Variants in EBF3 observed in about 807,000 individuals in gnomAD.
EBF3 encodes EBF transcription factor 3.
A neutral mutation model predicts 77.1 loss-of-function variants in EBF3; 18 were observed. The ratio of observed to expected loss-of-function variants is 0.23; its 90% CI spans 0.16 to 0.35. The LOEUF is 0.35. Among genes scored for constraint, EBF3 ranks in the 10% least tolerant of loss-of-function variants. The probability of loss-of-function intolerance (pLI) is 1.00; values close to 1 mark genes in which losing one functional copy is unlikely to be tolerated. For missense variants in EBF3, 558 were observed against 860.0 expected (o/e 0.65, Z 4.39); for synonymous variants, 350 against 343.5 (o/e 1.02, Z -0.21).
chr10:129,839,233 T>G (rs1849830038), intron 15 of EBF3, 38 bp from the exon 16 acceptor site: 1 of 966,100 alleles, frequency 1.0e-6, no homozygotes, highest in Admixed American at 2.3e-5. Flanking sequence ...ACTGGTTGAA[T>G]GGGTTCATGT....
rs563818881 is a variant in EBF3 at position 129,947,901 on chromosome 10, C to T, written c.554+9357G>A. ...AAATTATATTCAAAGAGAGTATTAT[C>T]GGTGAGCTAAAAAGTCACAAGAAGA... is the stretch of plus-strand genomic sequence containing the variant. On this transcript the variant is annotated intron_variant, in intron 6 of 16. Transcript: ENST00000440978. The surrounding 1 kb of genome is among the most constrained non-coding windows in gnomAD (Gnocchi z 4.5). 2.6e-5 allele frequency among the ~76,000 whole-genome samples: 4 copies of T among 152,156 alleles called. 1 individual carries two copies. Among genetic ancestry groups the T allele is most frequent in the South Asian group, 4.2e-4 (2 of 4,800 alleles).
In EBF3 at chr10:129,839,171, A is replaced by G; in HGVS notation, c.1784T>C (p.Val595Ala). 3 of 1,302,244 alleles carry G rather than the reference A, an allele frequency of 2.3e-6. No individual in the cohort carries two copies. The highest frequency in any genetic ancestry group is 3.0e-6 in the Non-Finnish European group (3 of 987,030). The allele number at this position is 1,302,244 out of a possible 1,614,324, so 80.7% of individuals were successfully genotyped here. ...GGGCCAGTTTGTCTTCTCCGCGGCT[A>G]CGTCCTCAGCACCCAGCAGAGAGCC... is the stretch of plus-strand genomic sequence containing the variant. ...LQGSLLGAEDVAAEKTNWPFC... is the reference protein window; with the variant it reads ...LQGSLLGAEDAAAEKTNWPFC... The change falls in exon 16 of 17, where the codon GTA becomes GCA. Residue 595 changes from valine to alanine, a missense_variant. Physicochemically the swap from Val to Ala is moderately conservative, Grantham distance 64. Transcript: ENST00000440978.
rs1268916531 is a variant in EBF3 at position 129,947,587 on chromosome 10, A to G, written c.554+9671T>C. ...CAAAATAGTATTATTGAGGAAATAAACCCCTTATAATAAGTGAAATTGAGC... is the reference window on the plus strand; with the variant it reads ...CAAAATAGTATTATTGAGGAAATAAGCCCCTTATAATAAGTGAAATTGAGC... On this transcript the variant is annotated intron_variant, in intron 6 of 16. Coordinates refer to ENST00000440978, the MANE Select transcript of EBF3 (RefSeq NM_001375380.1). This position sits in a 1 kb window ranked among gnomAD's most constrained non-coding sequence, Gnocchi z 4.5. 6.6e-6 allele frequency among the ~76,000 whole-genome samples: 1 copy of G among 152,114 alleles called. No homozygotes were observed. Among genetic ancestry groups the G allele is most frequent in the Non-Finnish European group, 1.5e-5 (1 of 68,020 alleles).
intron 6 of EBF3, among the ~76,000 whole-genome samples, chr10:129,884,832 C>A (rs1853460261): frequency 6.6e-6 from 1 of 152,184 alleles, no homozygotes. Context: ...TGGCCTTTGT[C>A]TGGGGATTCT....
At chr10:129,915,044 C>A (rs994717825) in intron 6 of EBF3, among the ~76,000 whole-genome samples, 5 of 152,196 alleles carry the variant, frequency 3.3e-5, no homozygotes, top group Admixed American at 3.3e-4. Context: ...TTGGGCCCTT[C>A]AAGAGTTTGC....
intron 6 of EBF3, among the ~76,000 whole-genome samples, chr10:129,902,783 G>A (rs144254992): frequency 6.6e-6 from 1 of 152,158 alleles, no homozygotes; most frequent in Non-Finnish European, 1.5e-5. Flanking sequence ...AACAAAACAA[G>A]ACACACAGGA....
rs1476336198 is a variant in EBF3, at chr10:129,963,673, G to A, written c.96C>T (p.His32=). The A allele has an allele frequency of 4.0e-6, 6 of 1,513,402 alleles. No individual in the cohort carries two copies. The African/African-American group carries it at 5.8e-5, about 15-fold the overall frequency. 93.7% of individuals were successfully genotyped at this position (1,513,402 alleles called of 1,614,324 possible). A position where few individuals can be genotyped will look rare whatever the true frequency, so the allele number is the denominator to read the frequency against. The change falls in exon 1 of 17, where the codon CAC becomes CAT. Residue 32 remains histidine, a synonymous_variant. Coordinates refer to ENST00000440978, the MANE Select transcript of EBF3 (RefSeq NM_001375380.1). The surrounding 1 kb of genome is among the most constrained non-coding windows in gnomAD (Gnocchi z 7.1). ...SGMNPVRSWM[H]TAGVVDANTA... is the part of the protein sequence containing the mutation. ...TGTTGGCGTCCACCACGCCCGCCGT[G>A]TGCATCCACGAGCGCACCGGGTTCA...
chr10:129,892,100 G>A (rs79214325), intron 6 of EBF3, among the ~76,000 whole-genome samples: 27,499 of 152,194 alleles, frequency 0.18, 2,770 homozygotes, highest in Non-Finnish European at 0.23. Flanking sequence ...TCTCAGCAGC[G>A]GCAAGAAATG....
chr10:129,900,403 G>C (rs1328443340), intron 6 of EBF3, among the ~76,000 whole-genome samples: 3 of 152,162 alleles, frequency 2.0e-5, no homozygotes, highest in African/African-American at 7.2e-5. Flanking sequence ...GGGGTAGGAG[G>C]GGGCTGGAGA....
At chr10:129,902,986 C>T (rs1854894851) in intron 6 of EBF3, among the ~76,000 whole-genome samples, 1 of 152,258 alleles carries the variant, frequency 6.6e-6, no homozygotes, top group South Asian at 2.1e-4. Context: ...AGTGATTCTC[C>T]ATGAACTCAC....
chr10:129,842,372 GT>G lies in EBF3; in HGVS notation c.1195-80del. On this transcript the variant is annotated intron_variant, in intron 12 of 16. Transcript: ENST00000440978. The surrounding 1 kb of genome is among the most constrained non-coding windows in gnomAD (Gnocchi z 4.4). ...GCCGCACTCTCGGGGGCCCACCATG[GT>G]GGCATCCCACTGTCCCTTGCCCAGA... 5 of 1,486,972 alleles carry G rather than the reference GT, an allele frequency of 3.4e-6. No individual in the cohort carries two copies. Among genetic ancestry groups the G allele is most frequent in the Non-Finnish European group, 4.5e-6 (5 of 1,114,006 alleles). 92.1% of individuals were successfully genotyped at this position (1,486,972 alleles called of 1,614,324 possible).
intron 10 of EBF3, among the ~76,000 whole-genome samples, chr10:129,852,958 C>T (rs555562245): frequency 6.6e-6 from 1 of 152,282 alleles, no homozygotes; most frequent in African/African-American, 2.4e-5. Flanking sequence ...CAGTCCAGGG[C>T]GTTGAGGTCC....
At chr10:129,889,905 C>T (rs1853889406) in intron 6 of EBF3, among the ~76,000 whole-genome samples, 1 of 149,650 alleles carries the variant, frequency 6.7e-6, no homozygotes, top group African/African-American at 2.5e-5. Context: ...TTCCACATTC[C>T]CTGAAATCAA....
In EBF3 at chr10:129,861,038, G is replaced by T. The variant is rs1851596798; in HGVS notation, c.1039+6103C>A. Among the ~76,000 whole-genome samples, 1 of 152,222 alleles carries T rather than the reference G, an allele frequency of 6.6e-6. No homozygotes were observed. The highest frequency in any genetic ancestry group is 2.4e-5 in the African/African-American group (1 of 41,466). ...CCTCCTTGGAGACAGGAAAGAGAGG[G>T]GACAGCAGTGACCCTGGAAGCCCTC... On this transcript the variant is annotated intron_variant, in intron 10 of 16. Transcript: ENST00000440978. The surrounding 1 kb of genome is among the most constrained non-coding windows in gnomAD (Gnocchi z 4.3).
chr10:129,924,430 C>CAAAAAAAAAAAAAACAAAAAAAAAAAA (rs1856514493), intron 6 of EBF3, among the ~76,000 whole-genome samples: 1 of 108,454 alleles, frequency 9.2e-6, no homozygotes. Context: ...ACAACAACAA[C>CAAAAAAAAAAAAAACAAAAAAAAAAAA]AAAAAAAAAA....
intron 4 of EBF3, among the ~76,000 whole-genome samples, chr10:129,960,788 A>G (rs1196997410): frequency 1.3e-5 from 2 of 152,190 alleles, no homozygotes; most frequent in Non-Finnish European, 2.9e-5. Flanking sequence ...CAACAGAGAA[A>G]CTTAGGGCTG....
intron 6 of EBF3, among the ~76,000 whole-genome samples, chr10:129,878,186 C>T (rs1852928745): frequency 6.6e-6 from 1 of 152,126 alleles, no homozygotes; most frequent in African/African-American, 2.4e-5. Context: ...GACAGGCCTA[C>T]CATCTCAACC....
chr10:129,945,806 T>C (rs1294522299), intron 6 of EBF3, among the ~76,000 whole-genome samples: 2 of 152,214 alleles, frequency 1.3e-5, no homozygotes, highest in African/African-American at 4.8e-5. Flanking sequence ...AGCCTCACCA[T>C]ACAGCTCTAT....
chr10:129,837,921 G>GAAGT lies in EBF3; in HGVS notation c.*18_*21dup, dbSNP rs1564810206. The GAAGT allele has an allele frequency of 6.2e-7, 1 of 1,613,904 alleles. No individual in the cohort carries two copies. Among genetic ancestry groups the GAAGT allele is most frequent in the Non-Finnish European group, 8.5e-7 (1 of 1,180,032 alleles). On this transcript the variant is annotated 3_prime_UTR_variant, in exon 17 of 17. Transcript: ENST00000440978. The stretch of plus-strand genomic sequence containing the variant: ...TGCTGGGTGCTGCGGAAGGTAAACA[G>GAAGT]AAGTCCCTCACATTGGCGGGACTAC...
Sources: gnomAD v4.1 joint callset for allele counts (sites outside exome capture counted in the v4.1 genomes callset) on GRCh38, gnomAD v4.1.1 for gene constraint, Gnocchi (gnomAD v3.1) non-coding constraint, MANE v1.5 for transcripts, NCBI Gene and HGNC (gene_info 2026-07-23, HGNC 2026-07-21) for gene names.